Variants in LRRC38 observed in about 807,000 individuals in gnomAD.
The protein encoded by LRRC38 is leucine-rich repeat-containing protein 38.
LRRC38 carries 5 observed loss-of-function variants against 16.4 expected under a neutral mutation model. That is an observed-to-expected ratio of 0.31 (90% confidence interval 0.16 to 0.64). LRRC38 has a LOEUF of 0.64. Ranked by LOEUF, LRRC38 falls within the 30% of genes least tolerant of loss-of-function variation. The pLI is 0.80. For synonymous variants in LRRC38, 191 were observed against 190.2 expected (o/e 1.00, Z -0.04); for missense variants, 341 against 401.8 (o/e 0.85, Z 1.29).
rs1638950531 is a variant in LRRC38 at position 13,487,575 on chromosome 1, G to A, written c.632-11476C>T. ...CTTCTCTTCCAGGGCACATTCAGAA[G>A]AGACAGGCATCTCCCTTGTGCAGGG... On this transcript the variant is annotated intron_variant, in intron 1 of 1. Coordinates refer to ENST00000376085, the MANE Select transcript of LRRC38 (RefSeq NM_001010847.2). The surrounding 1 kb of genome is among the most constrained non-coding windows in gnomAD (Gnocchi z 4.4). 6.6e-6 allele frequency among the ~76,000 whole-genome samples: 1 copy of A among 152,190 alleles called. No homozygotes were observed. The highest frequency in any genetic ancestry group is 1.5e-5 in the Non-Finnish European group (1 of 68,036).
chr1:13,484,678 GA>G (rs1326059521), intron 1 of LRRC38, among the ~76,000 whole-genome samples: 3 of 152,234 alleles, frequency 2.0e-5, no homozygotes, highest in Non-Finnish European at 4.4e-5. Flanking sequence ...CCTCTCTTGG[GA>G]GGTGGAAACT....
chr1:13,488,702 A>G (rs1638972166), intron 1 of LRRC38, among the ~76,000 whole-genome samples: 1 of 152,112 alleles, frequency 6.6e-6, no homozygotes, highest in Non-Finnish European at 1.5e-5. Flanking sequence ...ATGAAAGGGT[A>G]TATTGTTGAT....
intron 1 of LRRC38, among the ~76,000 whole-genome samples, chr1:13,506,705 C>T (rs1425683931): frequency 2.6e-5 from 4 of 152,218 alleles, no homozygotes; most frequent in Admixed American, 6.5e-5. Flanking sequence ...GTGATTCGCC[C>T]GCCTTGGCCT....
At chr1:13,500,125 C>A (rs528258881) in intron 1 of LRRC38, among the ~76,000 whole-genome samples, 1 of 151,830 alleles carries the variant, frequency 6.6e-6, no homozygotes, top group Non-Finnish European at 1.5e-5. Context: ...GTAGCATGTG[C>A]GCGCCTATAA....
At chr1:13,479,109 TA>T (rs1035318081) in intron 1 of LRRC38, among the ~76,000 whole-genome samples, 11 of 151,686 alleles carry the variant, frequency 7.3e-5, no homozygotes, top group Admixed American at 2.6e-4. Context: ...CTTTATCTTT[TA>T]AAAAATAAAA....
intron 1 of LRRC38, among the ~76,000 whole-genome samples, chr1:13,492,472 G>A (rs941160147): frequency 2.6e-5 from 4 of 152,256 alleles, no homozygotes; most frequent in African/African-American, 9.6e-5. Context: ...AGGCCGAGGT[G>A]GGTGGATCAC....
At chr1:13,502,260 A>G (rs904475463) in intron 1 of LRRC38, among the ~76,000 whole-genome samples, 4 of 151,968 alleles carry the variant, frequency 2.6e-5, no homozygotes, top group African/African-American at 4.8e-5. Flanking sequence ...TGATTATTTA[A>G]TAAAATAAAA....
chr1:13,481,780 C>T (rs1001897611), intron 1 of LRRC38, among the ~76,000 whole-genome samples: 847 of 58,194 alleles, frequency 0.015, 25 homozygotes, highest in Non-Finnish European at 0.018. Flanking sequence ...TCCCTCTCTC[C>T]CTCTCTCCCT....
At chr1:13,481,387 T>TTA (rs1216113470) in intron 1 of LRRC38, among the ~76,000 whole-genome samples, 2 of 127,248 alleles carry the variant, frequency 1.6e-5, no homozygotes, top group African/African-American at 5.6e-5. Context: ...TTTTTTTTAT[T>TTA]TTTTTTTTTT....
intron 1 of LRRC38, among the ~76,000 whole-genome samples, chr1:13,478,869 C>T (rs973045815): frequency 2.0e-5 from 3 of 152,128 alleles, no homozygotes; most frequent in African/African-American, 7.2e-5. Context: ...ATGTAGTCTA[C>T]AGCCAACCCA....
chr1:13,501,306 A>C (rs1013206484), intron 1 of LRRC38, among the ~76,000 whole-genome samples: 4 of 152,122 alleles, frequency 2.6e-5, no homozygotes, highest in Admixed American at 1.3e-4. Flanking sequence ...AAGATGTTAA[A>C]AGAGGGGAAA....
chr1:13,513,655 C>G lies in LRRC38; in HGVS notation c.-62G>C. 9.8e-7 allele frequency: 1 copy of G among 1,016,670 alleles called. No individual in the cohort carries two copies. 63.0% of individuals were successfully genotyped at this position (1,016,670 alleles called of 1,614,324 possible). ...GCGGCTCTCGGAGCGAGCCCTGGCG[C>G]GGGACGGCGCGGTGAGGCACTGGCT... On this transcript the variant is annotated 5_prime_UTR_variant, in exon 1 of 2. Transcript: ENST00000376085.
intron 1 of LRRC38, among the ~76,000 whole-genome samples, chr1:13,483,335 A>T (rs548523757): frequency 1.4e-4 from 22 of 152,086 alleles, no homozygotes; most frequent in African/African-American, 5.1e-4. Context: ...TATTTTTAGT[A>T]GAGATGGGGT....
intron 1 of LRRC38, among the ~76,000 whole-genome samples, chr1:13,494,802 G>T (rs1323486387): frequency 2.0e-5 from 3 of 152,194 alleles, no homozygotes; most frequent in African/African-American, 7.2e-5. Flanking sequence ...ACCTGAAAAT[G>T]AAGAAAGGCA....
chr1:13,477,532 G>A (rs1638803135), intron 1 of LRRC38, among the ~76,000 whole-genome samples: 1 of 152,078 alleles, frequency 6.6e-6, no homozygotes, highest in African/African-American at 2.4e-5. Context: ...AACATTCTAG[G>A]CAGAGACAAG....
At chr1:13,493,691 C>T (rs61000520) in intron 1 of LRRC38, among the ~76,000 whole-genome samples, 2,800 of 152,122 alleles carry the variant, frequency 0.018, 99 homozygotes, top group African/African-American at 0.064. Context: ...GTCATGGGGA[C>T]GTGCCTGAGA....
chr1:13,509,767 C>A (rs562903785), intron 1 of LRRC38, among the ~76,000 whole-genome samples: 1 of 152,204 alleles, frequency 6.6e-6, no homozygotes, highest in African/African-American at 2.4e-5. Context: ...CTCCTACCTA[C>A]ACTCTTTGTT....
chr1:13,499,388 C>T (rs547146536), intron 1 of LRRC38, among the ~76,000 whole-genome samples: 2 of 152,174 alleles, frequency 1.3e-5, no homozygotes, highest in Admixed American at 6.5e-5. Context: ...CATGAGCCAC[C>T]GCACCTGGCC....
chr1:13,512,928 T>TTC, intron 1 of LRRC38, 35 bp downstream of exon 1: 11 of 435,438 alleles, frequency 2.5e-5, no homozygotes, highest in South Asian at 1.0e-4. Context: ...CCTGCCCCCC[T>TTC]CCCTCCCTCC....
Sources: allele counts gnomAD v4.1 joint callset (sites outside exome capture counted in the v4.1 genomes callset), GRCh38; gene constraint gnomAD v4.1.1; non-coding constraint Gnocchi (gnomAD v3.1); transcripts MANE v1.5; gene names NCBI Gene and HGNC (gene_info 2026-07-23, HGNC 2026-07-21).